SASH1: variants seen among roughly 807,000 people sequenced by gnomAD.
SASH1 encodes the protein SAM and SH3 domain containing 1.
In SASH1, 44 loss-of-function variants were observed where a neutral mutation model predicts 125.2. That is an observed-to-expected ratio of 0.35 (90% CI 0.28 to 0.45). SASH1 has a LOEUF of 0.45. Among genes scored for constraint, SASH1 ranks in the 20% least tolerant of loss-of-function variants. The pLI is 1.00. For missense variants in SASH1, 1,426 were observed against 1,614.5 expected (o/e 0.88, Z 2.00); for synonymous variants, 639 against 649.1 (o/e 0.98, Z 0.24).
At chr6:148,545,129 A>T (rs1325968007) in intron 18 of SASH1, among the ~76,000 whole-genome samples, 1 of 152,262 alleles carries the variant, frequency 6.6e-6, no homozygotes, top group Non-Finnish European at 1.5e-5. Flanking sequence ...TGTATTATAC[A>T]GTTATCTGTA....
the SASH1 span, among the ~76,000 whole-genome samples, chr6:148,252,432 T>C: frequency 3.9e-5 from 6 of 152,040 alleles, no homozygotes; most frequent in East Asian, 1.2e-3. Flanking sequence ...ACTGACACCA[T>C]CAAAGCTAAT....
At chr6:148,403,446 T>TAA (rs34706491) in intron 2 of SASH1, among the ~76,000 whole-genome samples, 1 of 151,900 alleles carries the variant, frequency 6.6e-6, no homozygotes, top group Non-Finnish European at 1.5e-5. Context: ...ACATTCATTG[T>TAA]AAAAAAATTG....
chr6:148,274,730 TTAATC>T (rs1779141804), intron 1 of SASH1, among the ~76,000 whole-genome samples: 1 of 152,158 alleles, frequency 6.6e-6, no homozygotes, highest in Non-Finnish European at 1.5e-5. Context: ...ACTAACCTAA[TTAATC>T]TACCTGATTA....
At chr6:148,264,388 C>G in the SASH1 span, among the ~76,000 whole-genome samples, 1 of 152,154 alleles carries the variant, frequency 6.6e-6, no homozygotes, top group Admixed American at 6.5e-5. Flanking sequence ...ACAAGTATTG[C>G]TTGGGAAGAA....
At chr6:148,361,333 C>T (rs1156505006) in intron 1 of SASH1, among the ~76,000 whole-genome samples, 1 of 152,204 alleles carries the variant, frequency 6.6e-6, no homozygotes, top group East Asian at 1.9e-4. Context: ...CGCGGTGGCT[C>T]ATGCCTGTAA....
intron 1 of SASH1, among the ~76,000 whole-genome samples, chr6:148,375,950 G>A (rs1782873810): frequency 6.6e-6 from 1 of 152,326 alleles, no homozygotes; most frequent in East Asian, 1.9e-4. Flanking sequence ...CATCAGAAGG[G>A]TAGATGCCAG....
chr6:148,353,435 A>ATTTTTT (rs377513066), intron 1 of SASH1, among the ~76,000 whole-genome samples: 6 of 108,796 alleles, frequency 5.5e-5, no homozygotes, highest in Non-Finnish European at 8.8e-5. Context: ...TTTAAGATTG[A>ATTTTTT]TTTTTTTTTT....
At chr6:148,403,354 C>T (rs1441030861) in intron 2 of SASH1, among the ~76,000 whole-genome samples, 1 of 152,080 alleles carries the variant, frequency 6.6e-6, no homozygotes, top group African/African-American at 2.4e-5. Flanking sequence ...ATCCTCCCAC[C>T]TAGGCCTCCC....
intron 1 of SASH1, among the ~76,000 whole-genome samples, chr6:148,384,399 C>T (rs747390897): frequency 7.9e-5 from 12 of 152,006 alleles, no homozygotes; most frequent in Non-Finnish European, 1.3e-4. Flanking sequence ...AAAAAGAATC[C>T]GTTTCAGTGT....
At chr6:148,202,774 C>T in the SASH1 span, among the ~76,000 whole-genome samples, 2 of 151,940 alleles carry the variant, frequency 1.3e-5, no homozygotes, top group South Asian at 2.1e-4. Context: ...GCCAACGTGG[C>T]GAAATTCTGT....
chr6:148,295,962 G>A (rs1325920678), intron 1 of SASH1, among the ~76,000 whole-genome samples: 6 of 152,180 alleles, frequency 3.9e-5, no homozygotes, highest in South Asian at 2.1e-4. Context: ...ACAAAGTTTC[G>A]TATTATTCTA....
At chr6:148,222,277 C>A in the SASH1 span, among the ~76,000 whole-genome samples, 4 of 152,124 alleles carry the variant, frequency 2.6e-5, no homozygotes, top group Admixed American at 2.0e-4. Context: ...GTCTTTAATA[C>A]CATAGCCACA....
chr6:148,245,152 G>A, the SASH1 span, among the ~76,000 whole-genome samples: 1 of 152,078 alleles, frequency 6.6e-6, no homozygotes, highest in Admixed American at 6.5e-5. Context: ...GAATCTGCAG[G>A]GTTGATAACT....
At chr6:148,520,675 C>T (rs755045024) in intron 10 of SASH1, among the ~76,000 whole-genome samples, 5 of 152,092 alleles carry the variant, frequency 3.3e-5, no homozygotes, top group Non-Finnish European at 5.9e-5. Context: ...GTTTGGCCGC[C>T]TCCAGGAGTG....
At chr6:148,418,368 C>T (rs1236392334) in intron 2 of SASH1, among the ~76,000 whole-genome samples, 1 of 152,214 alleles carries the variant, frequency 6.6e-6, no homozygotes, top group Non-Finnish European at 1.5e-5. Context: ...AAACCCTTGA[C>T]ACATGTGGTA....
At chr6:148,384,468 A>T (rs990531027) in intron 1 of SASH1, among the ~76,000 whole-genome samples, 1 of 152,220 alleles carries the variant, frequency 6.6e-6, no homozygotes, top group Non-Finnish European at 1.5e-5. Context: ...TATTATAGTT[A>T]CAAGTTTATT....
the SASH1 span, among the ~76,000 whole-genome samples, chr6:148,216,482 A>G: frequency 2.6e-5 from 4 of 152,218 alleles, no homozygotes; most frequent in Admixed American, 6.5e-5. Flanking sequence ...GGCAAATGAT[A>G]TTGTTATTCT....
At chr6:148,506,592 A>G (rs1031863296) in intron 8 of SASH1, among the ~76,000 whole-genome samples, 2 of 152,228 alleles carry the variant, frequency 1.3e-5, no homozygotes, top group Non-Finnish European at 2.9e-5. Context: ...GTGCTACTAT[A>G]CCACATTTAT....
chr6:148,222,654 A>G, the SASH1 span, among the ~76,000 whole-genome samples: 1 of 152,234 alleles, frequency 6.6e-6, no homozygotes. Context: ...ATAATTGCAT[A>G]ATAATTCTCC....
Sources: gnomAD v4.1 joint callset for allele counts (sites outside exome capture counted in the v4.1 genomes callset) on GRCh38, gnomAD v4.1.1 for gene constraint, MANE v1.5 for transcripts, NCBI Gene and HGNC (gene_info 2026-07-23, HGNC 2026-07-21) for gene names.